The following PIGL variants were observed in gnomAD, a reference collection of about 807,000 sequenced individuals.
The protein encoded by PIGL is N-acetylglucosaminyl-phosphatidylinositol de-N-acetylase.
Under a neutral mutation model 31.1 loss-of-function variants are expected in PIGL, and 22 were observed. The ratio of observed to expected loss-of-function variants is 0.71; its 90% CI spans 0.51 to 1.01. The LOEUF (loss-of-function observed/expected upper bound fraction) is 1.01, where lower values mean the gene tolerates loss of function less well. Ranked by LOEUF, PIGL falls within the 50% of genes least tolerant of loss-of-function variation. The pLI is 0.00. For missense variants in PIGL, 302 were observed against 315.9 expected (o/e 0.96, Z 0.33); for synonymous variants, 131 against 117.4 (o/e 1.12, Z -0.75).
intron 2 of PIGL, among the ~76,000 whole-genome samples, chr17:16,266,431 C>T (rs2092843534): frequency 6.7e-6 from 1 of 148,648 alleles, no homozygotes; most frequent in East Asian, 2.0e-4. Context: ...TCTATTACTT[C>T]ATTTATTGTG....
rs373264730 is a variant in PIGL at position 16,263,945 on chromosome 17, G to A, written c.335+29875G>A. On this transcript the variant is annotated intron_variant, in intron 2 of 6. Coordinates refer to ENST00000225609, the MANE Select transcript of PIGL (RefSeq NM_004278.4). ...CAACCTCTGCCTCCTGAGTTCAAGC[G>A]ATTCTCCTGCCTCAGCCTCCCGAGT... 1.2e-4 allele frequency among the ~76,000 whole-genome samples: 17 copies of A among 140,692 alleles called. 1 individual carries two copies. The South Asian group carries it at 3.0e-3, about 24-fold the overall frequency. 92.3% of individuals were successfully genotyped at this position (140,692 alleles called of 152,430 possible). A position where few individuals can be genotyped will look rare whatever the true frequency, so the allele number is the denominator to read the frequency against.
At chr17:16,261,801 A>G (rs2092820455) in intron 2 of PIGL, among the ~76,000 whole-genome samples, 2 of 151,978 alleles carry the variant, frequency 1.3e-5, no homozygotes, top group Admixed American at 1.3e-4. Flanking sequence ...ATGAGGTTTC[A>G]CCATGTTGCC....
intron 6 of PIGL, among the ~76,000 whole-genome samples, chr17:16,325,439 C>A (rs577845853): frequency 6.6e-6 from 1 of 151,256 alleles, no homozygotes; most frequent in Admixed American, 6.6e-5. Context: ...TTGAGACTGA[C>A]GAGTTTCCTC....
chr17:16,318,487 T>A (rs2093088400), intron 6 of PIGL, among the ~76,000 whole-genome samples: 1 of 151,434 alleles, frequency 6.6e-6, no homozygotes, highest in Non-Finnish European at 1.5e-5. Flanking sequence ...GCCAGGCTTG[T>A]CTCGACCTCC....
intron 1 of PIGL, among the ~76,000 whole-genome samples, chr17:16,232,242 C>T (rs764373854): frequency 1.3e-5 from 2 of 152,032 alleles, no homozygotes; most frequent in Non-Finnish European, 2.9e-5. Context: ...CACACCACTG[C>T]ACTCCAGCCT....
chr17:16,235,681 G>C, intron 2 of PIGL, among the ~76,000 whole-genome samples: 1 of 150,472 alleles, frequency 6.6e-6, no homozygotes, highest in East Asian at 1.9e-4. Flanking sequence ...TTGAACTCCC[G>C]ACCTCAGGTG....
At chr17:16,232,126 A>C (rs892639585) in intron 1 of PIGL, among the ~76,000 whole-genome samples, 1 of 152,026 alleles carries the variant, frequency 6.6e-6, no homozygotes, top group African/African-American at 2.4e-5. Context: ...AAAAATACAA[A>C]AATTAGCCAG....
chr17:16,284,232 C>T (rs1303633604), intron 2 of PIGL, among the ~76,000 whole-genome samples: 1 of 152,178 alleles, frequency 6.6e-6, no homozygotes, highest in Non-Finnish European at 1.5e-5. Context: ...CCGCCTTGGC[C>T]TCCCAAAGTG....
chr17:16,238,395 A>G (rs2092708521), intron 2 of PIGL, among the ~76,000 whole-genome samples: 1 of 150,982 alleles, frequency 6.6e-6, no homozygotes, highest in Non-Finnish European at 1.5e-5. Context: ...AAAATATAAC[A>G]ATTTAAACCT....
chr17:16,322,242 C>T lies in PIGL; in HGVS notation c.661-3558C>T, dbSNP rs1034532234. Among the ~76,000 whole-genome samples, 8 of 152,074 alleles carry T rather than the reference C, an allele frequency of 5.3e-5. No homozygotes were observed. In the East Asian group the frequency reaches 5.8e-4, roughly 11 times the overall value. ...CTGAGTAGCTGGGACTATAGGGGCCCGCCACTTCGCCCGGCTAATTTTTGT... is the reference window on the plus strand; with the variant it reads ...CTGAGTAGCTGGGACTATAGGGGCCTGCCACTTCGCCCGGCTAATTTTTGT... On this transcript the variant is annotated intron_variant, in intron 6 of 6. Transcript: ENST00000225609.
chr17:16,224,042 C>T (rs547475152), intron 1 of PIGL, among the ~76,000 whole-genome samples: 33 of 151,996 alleles, frequency 2.2e-4, no homozygotes, highest in Non-Finnish European at 4.3e-4. Context: ...TGGTGAAACC[C>T]TGTCTCTACT....
chr17:16,306,885 G>A (rs1183710158), intron 3 of PIGL, among the ~76,000 whole-genome samples: 1 of 152,130 alleles, frequency 6.6e-6, no homozygotes, highest in Non-Finnish European at 1.5e-5. Flanking sequence ...ACAGTTCAGA[G>A]ACAGTCAGGA....
intron 2 of PIGL, among the ~76,000 whole-genome samples, chr17:16,260,365 G>A (rs1158236899): frequency 6.6e-6 from 1 of 152,176 alleles, no homozygotes; most frequent in East Asian, 1.9e-4. Flanking sequence ...CCTGCCCATG[G>A]CAAACCATGG....
intron 2 of PIGL, among the ~76,000 whole-genome samples, chr17:16,272,276 C>G (rs914724178): frequency 2.0e-5 from 3 of 152,118 alleles, no homozygotes; most frequent in African/African-American, 7.2e-5. Flanking sequence ...AACTAGCTGC[C>G]AGGACTACAC....
chr17:16,240,780 G>A (rs770978188), intron 2 of PIGL, among the ~76,000 whole-genome samples: 5 of 151,766 alleles, frequency 3.3e-5, no homozygotes, highest in Non-Finnish European at 7.4e-5. Context: ...GATTAGAGGC[G>A]TGAGCCAGCG....
At chr17:16,245,666 A>T (rs1443437819) in intron 2 of PIGL, among the ~76,000 whole-genome samples, 1 of 150,310 alleles carries the variant, frequency 6.7e-6, no homozygotes, top group Non-Finnish European at 1.5e-5. Context: ...GCCCTCCAAA[A>T]TGCTGAGATT....
intron 2 of PIGL, among the ~76,000 whole-genome samples, chr17:16,254,870 G>A (rs2092787559): frequency 6.6e-6 from 1 of 152,210 alleles, no homozygotes; most frequent in South Asian, 2.1e-4. Flanking sequence ...TCAAAGTGCT[G>A]GGATTACAGG....
intron 2 of PIGL, among the ~76,000 whole-genome samples, chr17:16,267,036 A>T (rs1376191510): frequency 6.6e-6 from 1 of 151,990 alleles, no homozygotes; most frequent in South Asian, 2.1e-4. Context: ...GAACAATGAG[A>T]GGGTTAGGGT....
At chr17:16,273,878 A>G (rs527942362) in intron 2 of PIGL, among the ~76,000 whole-genome samples, 1 of 152,324 alleles carries the variant, frequency 6.6e-6, no homozygotes, top group East Asian at 1.9e-4. Context: ...CTATAGCTAA[A>G]CTAAGCCATT....
Sources: allele counts gnomAD v4.1 joint callset (sites outside exome capture counted in the v4.1 genomes callset), GRCh38; gene constraint gnomAD v4.1.1; transcripts MANE v1.5; gene names NCBI Gene and HGNC (gene_info 2026-07-23, HGNC 2026-07-21).